CDK6: variants seen among roughly 807,000 people sequenced by gnomAD.
CDK6 encodes the protein cyclin dependent kinase 6, also known as cyclin-dependent kinase 6.
CDK6 carries 6 observed loss-of-function variants against 37.1 expected under a neutral mutation model. The observed-to-expected ratio is 0.16, with a 90% confidence interval of 0.09 to 0.32. The LOEUF is 0.32. Among genes scored for constraint, CDK6 ranks in the 10% least tolerant of loss-of-function variants. The pLI is 1.00. For missense variants in CDK6, 224 were observed against 418.9 expected, an observed-to-expected ratio of 0.53 and a Z score of 4.06; for synonymous variants, 160 against 161.3, an observed-to-expected ratio of 0.99 and a Z score of 0.06.
chr7:92,617,900 A>G (rs895049441), intron 7 of CDK6, among the ~76,000 whole-genome samples, 172 bp downstream of exon 7: 1 of 152,244 alleles, frequency 6.6e-6, no homozygotes, highest in Non-Finnish European at 1.5e-5. Flanking sequence ...ACCAGCTGCT[A>G]CAAGTGTGAA....
rs1796136292 is a variant in CDK6, at chr7:92,634,972, G to C, written c.648-11886C>G. 1.3e-5 allele frequency among the ~76,000 whole-genome samples: 2 copies of C among 152,132 alleles called. 1 individual carries two copies. The highest frequency in any genetic ancestry group is 4.1e-4 in the South Asian group (2 of 4,828). Reference sequence around the variant, plus strand: ...GTCTGTTTTATATTCATAGTGAGAAGACTCTGAACCTCCCAGGAGGGCTCT... The same window carrying C: ...GTCTGTTTTATATTCATAGTGAGAACACTCTGAACCTCCCAGGAGGGCTCT... On this transcript the variant is annotated intron_variant, in intron 5 of 7. Coordinates refer to ENST00000424848, the MANE Select transcript of CDK6 (RefSeq NM_001145306.2).
chr7:92,659,988 G>C (rs1263181198), intron 5 of CDK6, among the ~76,000 whole-genome samples: 1 of 152,108 alleles, frequency 6.6e-6, no homozygotes, highest in Admixed American at 6.5e-5. Flanking sequence ...GCATAGGAAG[G>C]GAATCTAAGA....
chr7:92,712,879 T>C (rs1379166065), intron 4 of CDK6, among the ~76,000 whole-genome samples: 2 of 136,844 alleles, frequency 1.5e-5, no homozygotes, highest in African/African-American at 6.7e-5. Context: ...TGTATGTATG[T>C]ATTTATTTAT....
At chr7:92,777,276 C>T (rs1343097173) in intron 2 of CDK6, among the ~76,000 whole-genome samples, 1 of 151,972 alleles carries the variant, frequency 6.6e-6, no homozygotes, top group Non-Finnish European at 1.5e-5. Flanking sequence ...TCTTGTTGCC[C>T]AGGCTGGAGT....
intron 3 of CDK6, among the ~76,000 whole-genome samples, chr7:92,750,887 G>GT: frequency 6.6e-6 from 1 of 152,290 alleles, no homozygotes; most frequent in East Asian, 1.9e-4. Context: ...TAATGACAGA[G>GT]TTTTCAACAG....
intron 5 of CDK6, among the ~76,000 whole-genome samples, chr7:92,645,092 C>T (rs1346443576): frequency 1.3e-5 from 2 of 152,332 alleles, no homozygotes; most frequent in East Asian, 1.9e-4. Flanking sequence ...AGGAAAAGTA[C>T]ACACCCCAGG....
chr7:92,642,829 T>C (rs1166184632), intron 5 of CDK6, among the ~76,000 whole-genome samples: 3 of 151,972 alleles, frequency 2.0e-5, no homozygotes, highest in African/African-American at 7.3e-5. Flanking sequence ...ACCACTTCAC[T>C]ACATCGCATC....
chr7:92,745,642 T>C (rs1295078758), intron 3 of CDK6, among the ~76,000 whole-genome samples: 1 of 152,198 alleles, frequency 6.6e-6, no homozygotes, highest in Non-Finnish European at 1.5e-5. Context: ...TCACAGGATA[T>C]GATAAAGATT....
At chr7:92,747,751 T>G (rs570117169) in intron 3 of CDK6, among the ~76,000 whole-genome samples, 3 of 152,350 alleles carry the variant, frequency 2.0e-5, no homozygotes, top group East Asian at 3.9e-4. Flanking sequence ...TATTTCTCTA[T>G]GTATCTCATT....
chr7:92,816,396 A>C (rs556345548), intron 2 of CDK6, among the ~76,000 whole-genome samples: 1 of 152,320 alleles, frequency 6.6e-6, no homozygotes, highest in African/African-American at 2.4e-5. Flanking sequence ...ACAAGTACCA[A>C]GATAAGCTAT....
chr7:92,744,151 T>C (rs770139125), intron 3 of CDK6, among the ~76,000 whole-genome samples: 8 of 152,190 alleles, frequency 5.3e-5, no homozygotes, highest in Non-Finnish European at 5.9e-5. Context: ...GCACAGAGAC[T>C]GTATTAGTCT....
At chr7:92,786,732 A>G (rs1229002298) in intron 2 of CDK6, among the ~76,000 whole-genome samples, 3 of 149,672 alleles carry the variant, frequency 2.0e-5, no homozygotes, top group Admixed American at 6.7e-5. Flanking sequence ...TATATAATGT[A>G]TATGTATATA....
chr7:92,752,786 C>T (rs1799217633), intron 3 of CDK6, among the ~76,000 whole-genome samples: 2 of 152,036 alleles, frequency 1.3e-5, no homozygotes, highest in Non-Finnish European at 2.9e-5. Flanking sequence ...GAAGTTCAAG[C>T]CAATGTTTTT....
chr7:92,744,766 C>T (rs552187178), intron 3 of CDK6, among the ~76,000 whole-genome samples: 7 of 152,102 alleles, frequency 4.6e-5, no homozygotes, highest in Admixed American at 4.6e-4. Flanking sequence ...AAATATGTAA[C>T]ATTTTTATCA....
chr7:92,781,560 T>A (rs991134518), intron 2 of CDK6, among the ~76,000 whole-genome samples: 1 of 152,250 alleles, frequency 6.6e-6, no homozygotes, highest in African/African-American at 2.4e-5. Context: ...AACAACATGC[T>A]TTGTAAACAC....
At chr7:92,645,211 C>G (rs1055787270) in intron 5 of CDK6, among the ~76,000 whole-genome samples, 3 of 152,196 alleles carry the variant, frequency 2.0e-5, no homozygotes, top group African/African-American at 7.2e-5. Context: ...TATTACAGCT[C>G]CCAGGCTTTT....
At chr7:92,812,090 G>A (rs1357678823) in intron 2 of CDK6, among the ~76,000 whole-genome samples, 3 of 152,192 alleles carry the variant, frequency 2.0e-5, no homozygotes, top group Non-Finnish European at 4.4e-5. Flanking sequence ...AATCAGCCAA[G>A]ATGGTGCCAT....
At chr7:92,795,586 C>T (rs3731285) in intron 2 of CDK6, among the ~76,000 whole-genome samples, 7 of 152,184 alleles carry the variant, frequency 4.6e-5, no homozygotes, top group Admixed American at 3.9e-4. Context: ...CCTTAAATCA[C>T]ATCCTAGATA....
intron 4 of CDK6, among the ~76,000 whole-genome samples, chr7:92,702,442 A>G (rs1797873632): frequency 6.6e-6 from 1 of 151,918 alleles, no homozygotes; most frequent in South Asian, 2.1e-4. Context: ...CATGTTGGCC[A>G]GGCTGGTCTT....
Sources: gnomAD v4.1 joint callset for allele counts (sites outside exome capture counted in the v4.1 genomes callset) on GRCh38, gnomAD v4.1.1 for gene constraint, MANE v1.5 for transcripts, NCBI Gene and HGNC (gene_info 2026-07-23, HGNC 2026-07-21) for gene names.